RASA2: variants seen among roughly 807,000 people sequenced by gnomAD.
The protein encoded by RASA2 is RAS p21 protein activator 2.
In RASA2, 155 loss-of-function variants were observed where a neutral mutation model predicts 118.2. The observed-to-expected ratio is 1.31, with a 90% CI of 1.15 to 1.50. The LOEUF (loss-of-function observed/expected upper bound fraction) is 1.50. Ranked by LOEUF, RASA2 falls within the 40% of genes most tolerant of loss-of-function variation. The pLI is 0.00. For missense variants in RASA2, 1,016 were observed against 1,009.6 expected (o/e 1.01, Z -0.09); for synonymous variants, 353 against 349.1 (o/e 1.01, Z -0.12).
intron 17 of RASA2, among the ~76,000 whole-genome samples, chr3:141,581,757 C>T (rs1305114562): frequency 6.6e-6 from 1 of 151,956 alleles, no homozygotes; most frequent in Non-Finnish European, 1.5e-5. Context: ...ATGGTAGTAA[C>T]CTGAGGAAAA....
At chr3:141,516,469 A>G (rs1386989455) in intron 3 of RASA2, 38 bp downstream of exon 3, 3 of 1,316,528 alleles carry the variant, frequency 2.3e-6, no homozygotes, top group Non-Finnish European at 3.0e-6. Context: ...TCACAATGTT[A>G]ATGTTTATAT....
At chr3:141,577,538 C>G (rs923044417) in intron 15 of RASA2, among the ~76,000 whole-genome samples, 1 of 152,022 alleles carries the variant, frequency 6.6e-6, no homozygotes, top group African/African-American at 2.4e-5. Context: ...TTTGAAGAGG[C>G]TCTTCTCTAA....
In RASA2 at chr3:141,547,201, T is replaced by C. The variant is rs147958938; in HGVS notation, c.527+6592T>C. On this transcript the variant is annotated intron_variant, in intron 5 of 23. Coordinates refer to ENST00000286364, the MANE Select transcript of RASA2 (RefSeq NM_006506.5). ...ATTCTGGGTCTTTTGTGGTTTCATA[T>C]AAATTTTGGGATTTTTTTTTTCTAT... 4.7e-3 allele frequency among the ~76,000 whole-genome samples: 720 copies of C among 152,260 alleles called. 6 individuals are homozygous for C. Among genetic ancestry groups the C allele is most frequent in the African/African-American group, 0.016 (682 of 41,506 alleles).
rs779933474 is a variant in RASA2, at chr3:141,555,847, C to G, written c.619C>G (p.Gln207Glu). ...TCTACCACATTGGAACAGGAATGACCAAAAGAAGACAAAAGTAAAGAAGAA... is the reference window on the plus strand; with the variant it reads ...TCTACCACATTGGAACAGGAATGACGAAAAGAAGACAAAAGTAAAGAAGAA... ...VSLVGPSRND[Q>E]KKTKVKKKTS... The change falls in exon 7 of 24, where the codon CAA (glutamine) becomes GAA (glutamate). Residue 207 changes from glutamine to glutamate, a missense_variant. By Grantham distance (29) the Gln-to-Glu change is conservative (BLOSUM62 2). Around this residue, in one of 2 missense-constraint regions of RASA2, gnomAD observed 896 missense variants for 836.4 expected, o/e 1.07. Transcript: ENST00000286364. 6.2e-7 allele frequency: 1 copy of G among 1,611,262 alleles called. No individual in the cohort carries two copies. The highest frequency in any genetic ancestry group is 1.1e-5 in the South Asian group (1 of 90,910).
chr3:141,608,811 A>G lies in RASA2; in HGVS notation c.2225+114A>G. On this transcript the variant is annotated intron_variant, in intron 21 of 23. Coordinates refer to ENST00000286364, the MANE Select transcript of RASA2 (RefSeq NM_006506.5). The stretch of plus-strand genomic sequence containing the variant: ...CATACTGATCCATGCAACAACAAGG[A>G]TGGGACCTTGAAAAATTATGCTAAG... 9.4e-6 allele frequency: 11 copies of G among 1,164,474 alleles called. No individual in the cohort carries two copies. The South Asian group carries it at 1.7e-4, about 18-fold the overall frequency. The allele number at this position is 1,164,474 out of a possible 1,614,324, so 72.1% of individuals were successfully genotyped here. A position where few individuals can be genotyped will look rare whatever the true frequency, so the allele number is the denominator to read the frequency against.
chr3:141,559,687 A>G (rs534237452), intron 8 of RASA2, among the ~76,000 whole-genome samples: 165 of 152,234 alleles, frequency 1.1e-3, no homozygotes, highest in Non-Finnish European at 2.1e-3. Flanking sequence ...ACTATTTAAA[A>G]TTACTTTCTG....
intron 9 of RASA2, among the ~76,000 whole-genome samples, chr3:141,569,169 A>C (rs547285873): frequency 1.1e-4 from 17 of 152,296 alleles, no homozygotes; most frequent in Middle Eastern, 3.4e-3. Flanking sequence ...GAAGAATAAG[A>C]ATACAGTTAA....
chr3:141,489,984 C>T (rs112861729), intron 1 of RASA2, among the ~76,000 whole-genome samples: 385 of 146,592 alleles, frequency 2.6e-3, no homozygotes, highest in Non-Finnish European at 3.6e-3. Flanking sequence ...TTTTTTTTGC[C>T]GGGGGGCTGG....
chr3:141,598,759 C>T (rs1339036835), intron 19 of RASA2, among the ~76,000 whole-genome samples: 1 of 151,974 alleles, frequency 6.6e-6, no homozygotes, highest in Non-Finnish European at 1.5e-5. Flanking sequence ...TAGTTCCCCC[C>T]CAAAAAAACC....
At chr3:141,565,304 T>G (rs970078909) in intron 9 of RASA2, among the ~76,000 whole-genome samples, 5 of 152,206 alleles carry the variant, frequency 3.3e-5, no homozygotes, top group African/African-American at 1.2e-4. Flanking sequence ...ACTTTAGATG[T>G]GCTGATAAAA....
rs1709 is a variant in RASA2, at chr3:141,612,723, T to C, written c.*410T>C. The C allele has an allele frequency of 0.24, 38,045 of 156,822 alleles. 5,740 individuals carry two copies. The highest frequency in any genetic ancestry group is 0.39 in the South Asian group (2,006 of 5,082). The allele number at this position is 156,822 out of a possible 1,614,324, so 9.7% of individuals were successfully genotyped here. A position where few individuals can be genotyped will look rare whatever the true frequency, so the allele number is the denominator to read the frequency against. On this transcript the variant is annotated 3_prime_UTR_variant, in exon 24 of 24. Coordinates refer to ENST00000286364, the MANE Select transcript of RASA2 (RefSeq NM_006506.5). ...GCCAACATTGTGTTTTACTAGAAAATTCCAATTCATGACAGTTCAGAGCTT... is the reference window on the plus strand; with the variant it reads ...GCCAACATTGTGTTTTACTAGAAAACTCCAATTCATGACAGTTCAGAGCTT...
At chr3:141,549,515 T>G (rs1462449339) in intron 5 of RASA2, among the ~76,000 whole-genome samples, 2 of 127,666 alleles carry the variant, frequency 1.6e-5, no homozygotes, top group East Asian at 4.8e-4. Flanking sequence ...GTGTGTGTGT[T>G]TGCAATTCTC....
intron 4 of RASA2, among the ~76,000 whole-genome samples, chr3:141,537,186 G>A (rs1204044471): frequency 6.7e-6 from 1 of 148,640 alleles, no homozygotes; most frequent in East Asian, 1.9e-4. Context: ...TTTTTTTTCT[G>A]CCCTGTTCTT....
Position 141,593,338 on chromosome 3 carries a change from C to T in RASA2, c.1933+6586C>T, listed in dbSNP as rs147468971. Among the ~76,000 whole-genome samples the T allele has an allele frequency of 5.2e-3, 788 of 152,200 alleles. 8 individuals are homozygous for T. The highest frequency in any genetic ancestry group is 0.018 in the African/African-American group (750 of 41,532). On this transcript the variant is annotated intron_variant, in intron 19 of 23. Transcript: ENST00000286364. ...CTGGGATTACAGGCATGAGCCACTG[C>T]GCCCGGCCTAAGATTTATTTTTATA...
chr3:141,555,821 CTCT>C lies in RASA2; in HGVS notation c.612-18_612-16del. ...TACTGTTAAGTTCTACAAGGTAAAA[CTCT>C]ACCACATTGGAACAGGAATGACCAA... On this transcript the variant is annotated splice_polypyrimidine_tract_variant and intron_variant, in intron 6 of 23. Coordinates refer to ENST00000286364, the MANE Select transcript of RASA2 (RefSeq NM_006506.5). 1 of 1,602,428 alleles carries C rather than the reference CTCT, an allele frequency of 6.2e-7. No individual in the cohort carries two copies. The highest frequency in any genetic ancestry group is 8.5e-7 in the Non-Finnish European group (1 of 1,171,854).
At chr3:141,587,210 G>A (rs2083218258) in intron 19 of RASA2, among the ~76,000 whole-genome samples, 1 of 152,068 alleles carries the variant, frequency 6.6e-6, no homozygotes, top group African/African-American at 2.4e-5. Flanking sequence ...ATTCATCCTA[G>A]GCTCTTAGCT....
At chr3:141,515,706 C>G (rs1033341890) in intron 2 of RASA2, among the ~76,000 whole-genome samples, 3 of 151,684 alleles carry the variant, frequency 2.0e-5, no homozygotes, top group Non-Finnish European at 4.4e-5. Context: ...TTGAGACCAT[C>G]CTGGCCAACA....
Position 141,615,203 on chromosome 3 carries a change from A to T in RASA2, c.*2890A>T, listed in dbSNP as rs2083710608. 1 of 152,176 alleles carries T rather than the reference A, an allele frequency of 6.6e-6. No homozygotes were observed. Among genetic ancestry groups the T allele is most frequent in the Non-Finnish European group, 1.5e-5 (1 of 68,016 alleles). 9.4% of individuals were successfully genotyped at this position (152,176 alleles called of 1,614,324 possible). A position where few individuals can be genotyped will look rare whatever the true frequency, so the allele number is the denominator to read the frequency against. ...TGAAAATGTAAGTTATCAAAACTTA[A>T]TGTAGTGAATTTGTGTAACCATGTT... On this transcript the variant is annotated 3_prime_UTR_variant, in exon 24 of 24. Coordinates refer to ENST00000286364, the MANE Select transcript of RASA2 (RefSeq NM_006506.5).
rs766777689 is a variant in RASA2 at position 141,571,591 on chromosome 3, T to C, written c.1169+37T>C. 7.7e-6 allele frequency: 12 copies of C among 1,560,976 alleles called. No individual in the cohort carries two copies. The South Asian group carries it at 1.4e-4, about 18-fold the overall frequency. On this transcript the variant is annotated intron_variant, in intron 11 of 23. Coordinates refer to ENST00000286364, the MANE Select transcript of RASA2 (RefSeq NM_006506.5). Reference sequence around the variant, plus strand: ...ATTTTATTAAATGTTAATTACATGTTGTTGAAATTGGACCTTAGTTTGACA... The same window carrying C: ...ATTTTATTAAATGTTAATTACATGTCGTTGAAATTGGACCTTAGTTTGACA...
Sources: allele counts gnomAD v4.1 joint callset (sites outside exome capture counted in the v4.1 genomes callset), GRCh38; gene constraint gnomAD v4.1.1; regional missense constraint gnomAD v4.1.1; transcripts MANE v1.5; gene names NCBI Gene and HGNC (gene_info 2026-07-23, HGNC 2026-07-21).